Variants in DHX34 observed in about 807,000 individuals in gnomAD.
The protein encoded by DHX34 is probable ATP-dependent RNA helicase DHX34.
A neutral mutation model predicts 111.1 loss-of-function variants in DHX34; 96 were observed. That is an observed-to-expected ratio of 0.86 (90% CI 0.73 to 1.02). The LOEUF is 1.02. DHX34 is among the 50% of genes least tolerant of loss of function. DHX34 has a pLI of 0.00. For synonymous variants in DHX34, 688 were observed against 670.4 expected, an observed-to-expected ratio of 1.03 and a Z score of -0.41; for missense variants, 1,560 against 1,579.9, an observed-to-expected ratio of 0.99 and a Z score of 0.21.
intron 3 of DHX34, among the ~76,000 whole-genome samples, chr19:47,356,785 C>T (rs1969471575): frequency 6.6e-6 from 1 of 152,024 alleles, no homozygotes; most frequent in Non-Finnish European, 1.5e-5. Flanking sequence ...AAAACCCCGT[C>T]TCTACTAAAA....
Position 47,380,874 on chromosome 19 carries a change from C to T in DHX34, c.3041C>T (p.Pro1014Leu). The T allele has an allele frequency of 6.2e-7, 1 of 1,613,950 alleles. No homozygotes were observed. The highest frequency in any genetic ancestry group is 8.5e-7 in the Non-Finnish European group (1 of 1,179,912). Residue 1014 changes from proline to leucine, a missense_variant, in exon 15 of 17, where the codon CCC becomes CTC. Physicochemically the swap from Pro to Leu is moderately conservative, Grantham distance 98 (BLOSUM62 -3). Transcript: ENST00000328771. ...GAAGTCCAGAACATGTATGTGGGAC[C>T]CCAGACCATCCCAGCCACCCCCCAT... Reference protein sequence around the residue: ...GLEVQNMYVGPQTIPATPHLP... With the variant: ...GLEVQNMYVGLQTIPATPHLP...
intron 15 of DHX34, 24 bp from the exon 16 acceptor site, chr19:47,381,162 G>T: frequency 6.2e-7 from 1 of 1,611,262 alleles, no homozygotes; most frequent in Non-Finnish European, 8.5e-7. Flanking sequence ...CGGGGGCCCA[G>T]CCCTGACAGC....
At position 47,375,674 on chromosome 19, in the gene DHX34, C is replaced by G; in HGVS notation, c.2273C>G (p.Ala758Gly). The G allele has an allele frequency of 6.4e-7, 1 of 1,555,794 alleles. No individual in the cohort carries two copies. The highest frequency in any genetic ancestry group is 8.7e-7 in the Non-Finnish European group (1 of 1,154,710). Residue 758 changes from alanine (A) to glycine (G), a missense_variant, in exon 10 of 17, where the codon GCC (alanine) becomes GGC (glycine). By Grantham distance (60) the Ala-to-Gly change is moderately conservative (BLOSUM62 0). Transcript: ENST00000328771. ...AGTGACGAGGACAGGGCTGGCCCAG[C>G]CCCCCCAGGGGCCAGTGATGGCGTG... ...GSSDEDRAGP[A>G]PPGASDGVDI...
Position 47,353,326 on chromosome 19 carries a change from C to G in DHX34, c.296C>G (p.Thr99Ser). The change falls in exon 2 of 17, where the codon ACT becomes AGT. Residue 99 changes from threonine (T) to serine (S), a missense_variant. Transcript: ENST00000328771. This position sits in a 1 kb window ranked among gnomAD's most constrained non-coding sequence, Gnocchi z 4.6. Reference sequence around the variant, plus strand: ...CCAGCGCTGGCCGACCTACCTCGCACTTACGACCCACGTTACCGCATCAAC... The same window carrying G: ...CCAGCGCTGGCCGACCTACCTCGCAGTTACGACCCACGTTACCGCATCAAC... ...SIPALADLPR[T>S]YDPRYRINLS... 1.2e-6 allele frequency: 2 copies of G among 1,614,212 alleles called. No individual in the cohort carries two copies. Among genetic ancestry groups the G allele is most frequent in the African/African-American group, 2.7e-5 (2 of 75,064 alleles).
Position 47,380,782 on chromosome 19 carries a change from T to C in DHX34, c.2983-34T>C, listed in dbSNP as rs764975353. 68 of 1,612,578 alleles carry C rather than the reference T, an allele frequency of 4.2e-5. No individual in the cohort carries two copies. The Admixed American group carries it at 7.7e-4, about 18-fold the overall frequency. On this transcript the variant is annotated intron_variant, in intron 14 of 16. Transcript: ENST00000328771. The stretch of plus-strand genomic sequence containing the variant: ...TGCTTTGGCGGCATCTCCCTGAGTC[T>C]GTCTCTCTCCATTTCCTGTCTCTCC...
chr19:47,368,606 CATTGAATGTGTGTGTGTGTGTGTGTAT>C (rs1027642529), intron 7 of DHX34, among the ~76,000 whole-genome samples: 2 of 144,786 alleles, frequency 1.4e-5, no homozygotes, highest in Non-Finnish European at 3.0e-5. Flanking sequence ...GCTCCCGGTC[CATTGAATGTGTGTGTGTGTGTGTGTAT>C]ATATATACAC....
In DHX34 at chr19:47,353,312, C is replaced by A. The variant is rs143813328; in HGVS notation, c.282C>A (p.Ala94=). 1,622 of 1,614,132 alleles carry A rather than the reference C, an allele frequency of 1.0e-3. 3 individuals are homozygous for A. Among genetic ancestry groups the A allele is most frequent in the South Asian group, 1.6e-3 (146 of 91,084 alleles). Residue 94 remains alanine, a synonymous_variant, in exon 2 of 17, where the codon GCC becomes GCA. Transcript: ENST00000328771. The surrounding 1 kb of genome is among the most constrained non-coding windows in gnomAD (Gnocchi z 4.6). ...GQPKHSIPAL[A]DLPRTYDPRY... ...CCAAGCACAGCATCCCAGCGCTGGC[C>A]GACCTACCTCGCACTTACGACCCAC...
Position 47,379,907 on chromosome 19 carries a change from G to T in DHX34, c.2904G>T (p.Glu968Asp). ...ACCAGGCCCAGCAGCAGCTGGAGGA[G>T]GAGGAGGAGGATACGCCAGTCAGCC... is the stretch of plus-strand genomic sequence containing the variant. Reference protein sequence around the residue: ...LAHQAQQQLEEEEEDTPVSPK... With the variant: ...LAHQAQQQLEDEEEDTPVSPK... Residue 968 changes from glutamate (E) to aspartate (D), a missense_variant, in exon 14 of 17, where the codon GAG (glutamate) becomes GAT (aspartate). Transcript: ENST00000328771. 1.9e-6 allele frequency: 3 copies of T among 1,609,854 alleles called. No homozygotes were observed. Among genetic ancestry groups the T allele is most frequent in the Non-Finnish European group, 1.7e-6 (2 of 1,179,268 alleles).
chr19:47,372,813 T>C lies in DHX34; in HGVS notation c.1852T>C (p.Phe618Leu). Residue 618 changes from phenylalanine (F) to leucine (L), a missense_variant, in exon 8 of 17, where the codon TTC (phenylalanine) becomes CTC (leucine). By Grantham distance (22) the Phe-to-Leu change is conservative. Coordinates refer to ENST00000328771, the MANE Select transcript of DHX34 (RefSeq NM_014681.6). Reference protein sequence around the residue: ...IAAALSVQSPFTRSAQSSPEC... With the variant: ...IAAALSVQSPLTRSAQSSPEC... ...AGCCGCACTTAGCGTCCAGTCGCCC[T>C]TCACCCGCAGCGCCCAGAGCAGCCC... The C allele has an allele frequency of 6.2e-7, 1 of 1,613,102 alleles. No homozygotes were observed. Among genetic ancestry groups the C allele is most frequent in the Non-Finnish European group, 8.5e-7 (1 of 1,179,836 alleles).
intron 4 of DHX34, 51 bp downstream of exon 4, chr19:47,358,171 G>C (rs1444759886): frequency 6.3e-7 from 1 of 1,574,946 alleles, no homozygotes; most frequent in African/African-American, 1.3e-5. Flanking sequence ...ATGAGTCAGG[G>C]GTGGCTGCGC....
chr19:47,376,304 G>C, intron 11 of DHX34, 139 bp from the exon 12 acceptor site: 1 of 1,512,170 alleles, frequency 6.6e-7, no homozygotes, highest in Non-Finnish European at 8.8e-7. Context: ...GAGCCCACAG[G>C]GGGCATCTGC....
chr19:47,376,217 C>T, intron 11 of DHX34, 120 bp downstream of exon 11: 5 of 1,448,212 alleles, frequency 3.5e-6, no homozygotes, highest in African/African-American at 1.4e-5. Context: ...CCATGGGGCT[C>T]ACAACCCAGT....
chr19:47,365,613 G>T (rs921042317), intron 6 of DHX34, among the ~76,000 whole-genome samples: 7 of 152,294 alleles, frequency 4.6e-5, no homozygotes, highest in Admixed American at 4.6e-4. Context: ...TTGGTCAGCA[G>T]GGAGGAAGGA....
At position 47,381,274 on chromosome 19, in the gene DHX34, G is replaced by A. The variant is rs142769736; in HGVS notation, c.3248G>A (p.Arg1083His). The change falls in exon 16 of 17, where the codon CGC becomes CAC. Residue 1083 changes from arginine (R) to histidine (H), a missense_variant. Transcript: ENST00000328771. ...CATGCGCCCCTCACGCCCCTGGAGCGCATCGCCCATGAGAACACCTGCCCC... is the reference window on the plus strand; with the variant it reads ...CATGCGCCCCTCACGCCCCTGGAGCACATCGCCCATGAGAACACCTGCCCC... ...GLHAPLTPLE[R>H]IAHENTCPQA... 617 of 1,613,942 alleles carry A rather than the reference G, an allele frequency of 3.8e-4. No individual in the cohort carries two copies. The highest frequency in any genetic ancestry group is 5.7e-4 in the Admixed American group (34 of 60,012).
intron 4 of DHX34, among the ~76,000 whole-genome samples, chr19:47,358,671 G>A (rs1265223929): frequency 6.6e-6 from 1 of 152,082 alleles, no homozygotes; most frequent in African/African-American, 2.4e-5. Context: ...CTGGAGTGCA[G>A]TGGCATGATC....
chr19:47,381,821 G>C (rs1300390199), intron 16 of DHX34, 159 bp from the exon 17 acceptor site: 1 of 973,036 alleles, frequency 1.0e-6, no homozygotes, highest in African/African-American at 1.8e-5. Flanking sequence ...ACAGACCTGT[G>C]TATTTTTATT....
chr19:47,354,976 A>G (rs2122220291), intron 2 of DHX34, 63 bp from the exon 3 acceptor site: 1 of 1,576,522 alleles, frequency 6.3e-7, no homozygotes, highest in Non-Finnish European at 8.6e-7. Flanking sequence ...CAATTTGGGC[A>G]GGGCCAGGGG....
rs745463102 is a variant in DHX34, at chr19:47,357,924, C to T, written c.1076C>T (p.Pro359Leu). The T allele has an allele frequency of 7.4e-6, 12 of 1,614,000 alleles. No individual in the cohort carries two copies. Among genetic ancestry groups the T allele is most frequent in the East Asian group, 4.5e-5 (2 of 44,872 alleles). Residue 359 changes from proline to leucine, a missense_variant, in exon 4 of 17, where the codon CCG becomes CTG. Coordinates refer to ENST00000328771, the MANE Select transcript of DHX34 (RefSeq NM_014681.6). ...PTTSKSEKLD[P>L]RPFLRVLESI... ...ACGTCCAAGTCAGAGAAGCTGGACC[C>T]GCGGCCTTTCCTGAGGGTGCTGGAG...
chr19:47,355,469 C>CT, intron 3 of DHX34, 119 bp downstream of exon 3: 1 of 1,437,978 alleles, frequency 7.0e-7, no homozygotes, highest in Non-Finnish European at 9.4e-7. Context: ...AAGATGTTCT[C>CT]TTTTTTTAAA....
Sources: allele counts gnomAD v4.1 joint callset (sites outside exome capture counted in the v4.1 genomes callset), GRCh38; gene constraint gnomAD v4.1.1; non-coding constraint Gnocchi (gnomAD v3.1); transcripts MANE v1.5; gene names NCBI Gene and HGNC (gene_info 2026-07-23, HGNC 2026-07-21).